Variants in PARP9 observed in about 807,000 individuals in gnomAD.
PARP9 encodes the protein protein mono-ADP-ribosyltransferase PARP9.
PARP9 carries 48 observed loss-of-function variants against 68.8 expected under a neutral mutation model. The observed-to-expected ratio is 0.70, with a 90% confidence interval of 0.55 to 0.89. The LOEUF (loss-of-function observed/expected upper bound fraction) is 0.89. PARP9 is among the 40% of genes least tolerant of loss of function. The pLI is 0.00. For synonymous variants in PARP9, 309 were observed against 333.8 expected (o/e 0.93, Z 0.81); for missense variants, 806 against 969.3 (o/e 0.83, Z 2.24).
chr3:122,535,315 C>T (rs2077562301), intron 10 of PARP9: 16 of 985,304 alleles, frequency 1.6e-5, no homozygotes, highest in Non-Finnish European at 1.9e-5. Flanking sequence ...CCAAGTTTTG[C>T]CTATGTTCTC....
At chr3:122,561,925 T>A in intron 1 of PARP9, among the ~76,000 whole-genome samples, 1 of 152,064 alleles carries the variant, frequency 6.6e-6, no homozygotes, top group Non-Finnish European at 1.5e-5. Context: ...CAATCCTCCA[T>A]CCCACCCCCA....
Position 122,545,456 on chromosome 3 carries a change from T to A in PARP9, c.1360A>T (p.Met454Leu), listed in dbSNP as rs781583051. The change falls in exon 7 of 11, where the codon ATG becomes TTG. Residue 454 changes from methionine to leucine, a missense_variant. Physicochemically the swap from Met to Leu is conservative, Grantham distance 15. This residue lies in a region of PARP9 where 680 missense variants were observed against 858.8 expected (regional missense o/e 0.79). Transcript: ENST00000682323. ...CCACTGTAATTGTTCAAACTCAGCA[T>A]CTTGGACCTCTTTGCCATTTCAGAA... ...FSSEMAKRSKMLSLNNYSVPQ... is the reference protein window; with the variant it reads ...FSSEMAKRSKLLSLNNYSVPQ... 14 of 1,614,118 alleles carry A rather than the reference T, an allele frequency of 8.7e-6. No individual in the cohort carries two copies. The South Asian group carries it at 1.4e-4, about 16-fold the overall frequency.
At position 122,534,908 on chromosome 3, in the gene PARP9, G is replaced by A. The variant is rs1281880993; in HGVS notation, c.2080+1260C>T. On this transcript the variant is annotated intron_variant, in intron 10 of 10. Coordinates refer to ENST00000682323, the MANE Select transcript of PARP9 (RefSeq NM_001146105.2). ...TAAATAAATAAATAAAGAGAGAACT[G>A]CCTGAACTTGAGCTGATGATGAGTC... 24 of 968,346 alleles carry A rather than the reference G, an allele frequency of 2.5e-5. No homozygotes were observed. The East Asian group carries it at 1.1e-3, about 46-fold the overall frequency. 60.0% of individuals were successfully genotyped at this position (968,346 alleles called of 1,614,324 possible). A position where few individuals can be genotyped will look rare whatever the true frequency, so the allele number is the denominator to read the frequency against.
Position 122,555,837 on chromosome 3 carries a change from C to T in PARP9, c.334G>A (p.Gly112Arg). 4.3e-6 allele frequency: 7 copies of T among 1,613,984 alleles called. No individual in the cohort carries two copies. The highest frequency in any genetic ancestry group is 2.7e-5 in the African/African-American group (2 of 74,966). ...NAANEDLLHG[G>R]GLALALVKAG... ...TTTACCAGGGCCAGGGCCAGGCCTCCCCCATGCAGAAGATCTTCATTGGCT... is the reference window on the plus strand; with the variant it reads ...TTTACCAGGGCCAGGGCCAGGCCTCTCCCATGCAGAAGATCTTCATTGGCT... Residue 112 changes from glycine (G) to arginine (R), a missense_variant, in exon 4 of 11, where the codon GGA (glycine) becomes AGA (arginine). By Grantham distance (125) the Gly-to-Arg change is moderately radical. Transcript: ENST00000682323.
chr3:122,540,759 T>C lies in PARP9; in HGVS notation c.1478A>G (p.Tyr493Cys), dbSNP rs9851180. 895,247 of 1,613,662 alleles carry C rather than the reference T, an allele frequency of 0.55. 250,805 individuals carry two copies. The highest frequency in any genetic ancestry group is 0.64 in the East Asian group (28,595 of 44,872). The change falls in exon 8 of 11, where the codon TAT becomes TGT. Residue 493 changes from tyrosine to cysteine, a missense_variant. Transcript: ENST00000682323. ...NLMGFNVEEMYEAHAWIQRIL... is the reference protein window; with the variant it reads ...NLMGFNVEEMCEAHAWIQRIL... Reference sequence around the variant, plus strand: ...TCTTTGGATCCATGCGTGGGCCTCATACATCTCTTCCACGTTGAATCCCAT... The same window carrying C: ...TCTTTGGATCCATGCGTGGGCCTCACACATCTCTTCCACGTTGAATCCCAT...
In PARP9 at chr3:122,540,663, T is replaced by C; in HGVS notation, c.1574A>G (p.Asp525Gly). ...HILYLGRKEH[D>G]ILSQLQKTSS... ...AGTTTTCTGAAGCTGAGACAAAATG[T>C]CATGTTCCTTTCTCCCAAGGTACAG... The change falls in exon 8 of 11, where the codon GAC becomes GGC. Residue 525 changes from aspartate to glycine, a missense_variant. Physicochemically the swap from Asp to Gly is moderately conservative, Grantham distance 94 (BLOSUM62 -1). This residue lies in a region of PARP9 where 680 missense variants were observed against 858.8 expected (regional missense o/e 0.79). Transcript: ENST00000682323. The C allele has an allele frequency of 1.9e-6, 3 of 1,614,180 alleles. No homozygotes were observed. Among genetic ancestry groups the C allele is most frequent in the Non-Finnish European group, 2.5e-6 (3 of 1,180,024 alleles).
intron 10 of PARP9, among the ~76,000 whole-genome samples, chr3:122,529,844 G>A (rs2107534554): frequency 1.3e-5 from 2 of 151,568 alleles, no homozygotes; most frequent in East Asian, 3.9e-4. Context: ...TTTGAAAATA[G>A]CATCTAATAA....
intron 7 of PARP9, 35 bp downstream of exon 7, chr3:122,545,397 G>A (rs555711172): frequency 3.6e-5 from 57 of 1,604,970 alleles, no homozygotes; most frequent in Middle Eastern, 1.7e-4. Context: ...AATGGTGGGC[G>A]ACCCTACTTA....
At chr3:122,544,231 T>C (rs867688836) in intron 7 of PARP9, among the ~76,000 whole-genome samples, 1 of 152,196 alleles carries the variant, frequency 6.6e-6, no homozygotes, top group Non-Finnish European at 1.5e-5. Context: ...ATCTCATTCA[T>C]GAAGCCATTC....
At chr3:122,564,524 C>G, upstream of PARP9, 1 of 1,611,664 alleles carries the variant, frequency 6.2e-7, no homozygotes, top group Non-Finnish European at 8.5e-7. Context: ...TTCCAGAGCT[C>G]TAAGTCCTCG....
At position 122,564,277 on chromosome 3, in the gene PARP9, C is replaced by G; in HGVS notation, c.-122G>C. On this transcript the variant is annotated 5_prime_UTR_variant, in exon 1 of 11. Coordinates refer to ENST00000682323, the MANE Select transcript of PARP9 (RefSeq NM_001146105.2). ...GCCGCTCTCCTCGGTGCAGACAGCACAGGGAGGAGGGGGAAGCGGCTCTGC... is the reference window on the plus strand; with the variant it reads ...GCCGCTCTCCTCGGTGCAGACAGCAGAGGGAGGAGGGGGAAGCGGCTCTGC... 1.0e-6 allele frequency: 1 copy of G among 987,742 alleles called. No individual in the cohort carries two copies. The highest frequency in any genetic ancestry group is 1.4e-6 in the Non-Finnish European group (1 of 693,822). The allele number at this position is 987,742 out of a possible 1,614,324, so 61.2% of individuals were successfully genotyped here.
In PARP9 at chr3:122,552,508, C is replaced by T; in HGVS notation, c.1017G>A (p.Arg339=). The change falls in exon 5 of 11, where the codon CGG becomes CGA. Residue 339 remains arginine (R), a synonymous_variant. Coordinates refer to ENST00000682323, the MANE Select transcript of PARP9 (RefSeq NM_001146105.2). ...CTTTTGTGACCAGTACCAACTGGGA[C>T]CGTTGAAACTGTTTAGCCTTTGTGG... ...FLATKAKQFQ[R]SQLVLVTKGF... is the part of the protein sequence containing the mutation. The T allele has an allele frequency of 6.2e-7, 1 of 1,614,070 alleles. No individual in the cohort carries two copies.
At position 122,555,287 on chromosome 3, in the gene PARP9, G is replaced by A. The variant is rs72960494; in HGVS notation, c.884C>T (p.Thr295Met). 1.9e-4 allele frequency: 307 copies of A among 1,603,114 alleles called. No homozygotes were observed. Among genetic ancestry groups the A allele is most frequent in the African/African-American group, 8.9e-4 (66 of 74,456 alleles). Reference sequence around the variant, plus strand: ...AAGAGAATAGAAACAAAGACTTACCGTCTGCCATTCAATGTGGCCCTGGAC... The same window carrying A: ...AAGAGAATAGAAACAAAGACTTACCATCTGCCATTCAATGTGGCCCTGGAC... ...QIVQGHIEWQ[T>M]ADVIVNSVNP... Residue 295 changes from threonine to methionine, a missense_variant and splice_region_variant, in exon 4 of 11, where the codon ACG becomes ATG. Thr to Met is a moderately conservative substitution (Grantham distance 81). This residue lies in a region of PARP9 where 680 missense variants were observed against 858.8 expected (regional missense o/e 0.79). Coordinates refer to ENST00000682323, the MANE Select transcript of PARP9 (RefSeq NM_001146105.2).
At chr3:122,564,709 G>A, upstream of PARP9, 2 of 1,434,210 alleles carry the variant, frequency 1.4e-6, no homozygotes, top group Non-Finnish European at 1.9e-6. Context: ...GGGAGAGGGC[G>A]GGAGAAAGTA....
intron 2 of PARP9, among the ~76,000 whole-genome samples, chr3:122,559,117 A>G (rs544102270): frequency 7.9e-5 from 12 of 152,356 alleles, no homozygotes; most frequent in African/African-American, 2.9e-4. Context: ...ACTCTCAGAT[A>G]GACTCCAATC....
chr3:122,559,560 A>T (rs775543385), intron 2 of PARP9, 46 bp downstream of exon 2: 21 of 1,555,010 alleles, frequency 1.4e-5, no homozygotes, highest in Non-Finnish European at 1.7e-5. Flanking sequence ...AGAAGTATTC[A>T]TGTGCTGATC....
At chr3:122,536,816 G>T in intron 9 of PARP9, 118 bp downstream of exon 9, 1 of 1,234,910 alleles carries the variant, frequency 8.1e-7, no homozygotes. Flanking sequence ...ACTGACCTAG[G>T]ATTCCAAGTC....
At chr3:122,539,209 G>A (rs9825383) in intron 8 of PARP9, among the ~76,000 whole-genome samples, 94,135 of 152,018 alleles carry the variant, frequency 0.62, 29,612 homozygotes, top group East Asian at 0.77. Flanking sequence ...TTCTTTGCCT[G>A]ACTTCTACCT....
Position 122,527,978 on chromosome 3 carries a change from T to G in PARP9, c.*386A>C, listed in dbSNP as rs768269114. 1 of 155,082 alleles carries G rather than the reference T, an allele frequency of 6.4e-6. No individual in the cohort carries two copies. 9.6% of individuals were successfully genotyped at this position (155,082 alleles called of 1,614,324 possible). On this transcript the variant is annotated 3_prime_UTR_variant, in exon 11 of 11. Coordinates refer to ENST00000682323, the MANE Select transcript of PARP9 (RefSeq NM_001146105.2). ...ACCTAAAGCACTTTATAATATTCTC[T>G]GGAAAATCTAAAATCATTCTGTTAT...
Sources: allele counts gnomAD v4.1 joint callset (sites outside exome capture counted in the v4.1 genomes callset), GRCh38; gene constraint gnomAD v4.1.1; regional missense constraint gnomAD v4.1.1; transcripts MANE v1.5; gene names NCBI Gene and HGNC (gene_info 2026-07-23, HGNC 2026-07-21).